CNTN5: variants seen among roughly 807,000 people sequenced by gnomAD.
CNTN5 encodes contactin 5, also known as contactin-5.
A neutral mutation model predicts 129.1 loss-of-function variants in CNTN5; 77 were observed. The observed-to-expected ratio is 0.60, with a 90% CI of 0.50 to 0.72. The LOEUF is 0.72. CNTN5 is among the 30% of genes least tolerant of loss of function. The probability of loss-of-function intolerance (pLI) is 0.00; values close to 1 mark genes in which losing one functional copy is unlikely to be tolerated. For synonymous variants in CNTN5, 509 were observed against 465.6 expected (o/e 1.09, Z -1.20); for missense variants, 1,478 against 1,328.8 (o/e 1.11, Z -1.75).
At chr11:99,143,377 T>G (rs1313570624) in intron 1 of CNTN5, among the ~76,000 whole-genome samples, 1 of 148,438 alleles carries the variant, frequency 6.7e-6, no homozygotes, top group Non-Finnish European at 1.5e-5. Context: ...TAAAATTACA[T>G]ATATAAAATA....
intron 8 of CNTN5, among the ~76,000 whole-genome samples, chr11:100,000,132 A>C (rs1939764097): frequency 6.6e-6 from 1 of 152,146 alleles, no homozygotes; most frequent in Middle Eastern, 3.4e-3. Flanking sequence ...CATTGTGCAC[A>C]TGTATCCTAA....
intron 16 of CNTN5, among the ~76,000 whole-genome samples, chr11:100,227,081 T>TCA (rs1949391028): frequency 6.6e-6 from 1 of 152,156 alleles, no homozygotes; most frequent in Non-Finnish European, 1.5e-5. Flanking sequence ...CATTCATCTT[T>TCA]TAGTAGAATA....
intron 3 of CNTN5, among the ~76,000 whole-genome samples, chr11:99,726,483 C>T (rs773369014): frequency 4.6e-5 from 7 of 152,114 alleles, no homozygotes; most frequent in Non-Finnish European, 1.0e-4. Flanking sequence ...CGAAATAGAA[C>T]AATTTGCTTG....
At chr11:99,912,166 G>A (rs747970565) in intron 6 of CNTN5, among the ~76,000 whole-genome samples, 3 of 151,886 alleles carry the variant, frequency 2.0e-5, no homozygotes, top group Non-Finnish European at 4.4e-5. Context: ...GGAAGAGGAA[G>A]AGGAAGGAAG....
intron 2 of CNTN5, among the ~76,000 whole-genome samples, chr11:99,519,434 G>C (rs1318517460): frequency 7.9e-5 from 12 of 152,010 alleles, no homozygotes. Flanking sequence ...TATAATTTTT[G>C]TGAATGTGGG....
chr11:100,193,400 C>T, intron 14 of CNTN5, 88 bp from the exon 15 acceptor site: 1 of 838,500 alleles, frequency 1.2e-6, no homozygotes, highest in Non-Finnish European at 1.8e-6. Context: ...GTATAGATTT[C>T]TTCTTTTCTC....
At chr11:99,598,117 G>A (rs1950179787) in intron 3 of CNTN5, among the ~76,000 whole-genome samples, 1 of 152,002 alleles carries the variant, frequency 6.6e-6, no homozygotes, top group Non-Finnish European at 1.5e-5. Context: ...TCCTTCACTT[G>A]CAAATATTCC....
At chr11:99,485,072 T>C (rs1366725851) in intron 2 of CNTN5, among the ~76,000 whole-genome samples, 1 of 152,114 alleles carries the variant, frequency 6.6e-6, no homozygotes, top group Non-Finnish European at 1.5e-5. Flanking sequence ...GGATATTGAA[T>C]GCTCCCAACA....
chr11:100,177,281 C>T (rs1045191172), intron 13 of CNTN5, among the ~76,000 whole-genome samples: 9 of 152,088 alleles, frequency 5.9e-5, no homozygotes, highest in Non-Finnish European at 1.2e-4. Context: ...GATGCCTTCC[C>T]TAACTGTGCT....
intron 1 of CNTN5, among the ~76,000 whole-genome samples, chr11:99,089,952 G>C (rs1046736192): frequency 1.3e-5 from 2 of 152,094 alleles, no homozygotes; most frequent in African/African-American, 4.8e-5. Context: ...TTTATTCAGG[G>C]AACAGATAGA....
chr11:99,988,609 T>A (rs1938847445), intron 8 of CNTN5, among the ~76,000 whole-genome samples: 1 of 152,176 alleles, frequency 6.6e-6, no homozygotes, highest in Non-Finnish European at 1.5e-5. Flanking sequence ...AGAAATGGTA[T>A]AGAGAAATCC....
chr11:100,151,875 C>A (rs1947072803), intron 13 of CNTN5, among the ~76,000 whole-genome samples: 1 of 152,136 alleles, frequency 6.6e-6, no homozygotes, highest in South Asian at 2.1e-4. Context: ...TATAGTATGT[C>A]TTTATTCCTA....
chr11:99,298,127 T>C (rs1027688650), intron 1 of CNTN5, among the ~76,000 whole-genome samples: 22 of 152,104 alleles, frequency 1.4e-4, no homozygotes, highest in African/African-American at 5.3e-4. Context: ...GTTCACTCAG[T>C]GCTCCTAGGG....
At position 100,037,155 on chromosome 11, in the gene CNTN5, T is replaced by G. The variant is rs1337290612; in HGVS notation, c.981-24057T>G. Among the ~76,000 whole-genome samples the G allele has an allele frequency of 2.2e-5, 3 of 136,694 alleles. No homozygotes were observed. In the East Asian group the frequency reaches 6.8e-4, roughly 31 times the overall value. 89.7% of individuals were successfully genotyped at this position (136,694 alleles called of 152,430 possible). A position where few individuals can be genotyped will look rare whatever the true frequency, so the allele number is the denominator to read the frequency against. On this transcript the variant is annotated intron_variant, in intron 9 of 24. Coordinates refer to ENST00000524871, the MANE Select transcript of CNTN5 (RefSeq NM_014361.4). ...TGAGATACGTTCCATCAATACCTAA[T>G]TTATTAAGAGTTTTTAGCATGAAGG...
chr11:99,946,359 C>T (rs1335183524), intron 7 of CNTN5, among the ~76,000 whole-genome samples: 2 of 152,010 alleles, frequency 1.3e-5, no homozygotes, highest in African/African-American at 4.8e-5. Flanking sequence ...AAACTAGGAA[C>T]AGAGGCTTAG....
intron 2 of CNTN5, among the ~76,000 whole-genome samples, chr11:99,437,243 C>A (rs2726409): frequency 6.6e-6 from 1 of 152,212 alleles, no homozygotes; most frequent in South Asian, 2.1e-4. Flanking sequence ...ATAAAAATAC[C>A]TGATGTTATG....
intron 1 of CNTN5, among the ~76,000 whole-genome samples, chr11:99,138,827 C>G (rs1264725541): frequency 6.6e-6 from 1 of 151,992 alleles, no homozygotes; most frequent in Non-Finnish European, 1.5e-5. Context: ...AAATATGGGC[C>G]TCAGAAAACA....
intron 18 of CNTN5, among the ~76,000 whole-genome samples, chr11:100,276,040 G>C (rs1454331869): frequency 1.3e-5 from 2 of 152,230 alleles, no homozygotes; most frequent in Admixed American, 6.5e-5. Flanking sequence ...AAATAGAGCT[G>C]CTTGGGAGAA....
intron 1 of CNTN5, among the ~76,000 whole-genome samples, chr11:99,199,748 G>A (rs1188773805): frequency 1.3e-5 from 2 of 152,078 alleles, no homozygotes; most frequent in African/African-American, 4.8e-5. Flanking sequence ...CCAAACAATT[G>A]GTTAGCTGAA....
Sources: gnomAD v4.1 joint callset for allele counts (sites outside exome capture counted in the v4.1 genomes callset) on GRCh38, gnomAD v4.1.1 for gene constraint, MANE v1.5 for transcripts, NCBI Gene and HGNC (gene_info 2026-07-23, HGNC 2026-07-21) for gene names.